The following CTNNA2 variants were observed in gnomAD, a reference collection of about 807,000 sequenced individuals.
The protein encoded by CTNNA2 is catenin alpha-2.
Under a neutral mutation model 101.0 loss-of-function variants are expected in CTNNA2, and 42 were observed. That is an observed-to-expected ratio of 0.42 (90% CI 0.32 to 0.54). The LOEUF (loss-of-function observed/expected upper bound fraction) is 0.54, where lower values mean the gene tolerates loss of function less well. Among genes scored for constraint, CTNNA2 ranks in the 20% least tolerant of loss-of-function variants. The pLI, the probability that CTNNA2 is intolerant of heterozygous loss-of-function variation, is 0.14. For synonymous variants in CTNNA2, 450 were observed against 456.4 expected (o/e 0.99, Z 0.18); for missense variants, 871 against 1,223.1 (o/e 0.71, Z 4.29).
At chr2:80,172,376 T>A (rs1705120048) in intron 7 of CTNNA2, among the ~76,000 whole-genome samples, 1 of 152,162 alleles carries the variant, frequency 6.6e-6, no homozygotes, top group South Asian at 2.1e-4. Flanking sequence ...CTGGCCAGAC[T>A]ATGGGGTTTG....
chr2:80,253,325 T>A (rs1475518363), intron 7 of CTNNA2, among the ~76,000 whole-genome samples: 2 of 152,184 alleles, frequency 1.3e-5, no homozygotes, highest in Non-Finnish European at 2.9e-5. Context: ...TTCAAGCCCT[T>A]CTATTTCTCA....
chr2:80,434,576 G>A lies in CTNNA2; in HGVS notation c.1290+14975G>A, dbSNP rs140628641. Among the ~76,000 whole-genome samples, 805 of 143,372 alleles carry A rather than the reference G, an allele frequency of 5.6e-3. 8 individuals are homozygous for A. The highest frequency in any genetic ancestry group is 0.02 in the African/African-American group (756 of 37,958). 94.1% of individuals were successfully genotyped at this position (143,372 alleles called of 152,430 possible). ...TGTGGCATGATCATGGCTCACTGCAGCATTGACCTTCTGGGCTCAGGTGAT... is the reference window on the plus strand; with the variant it reads ...TGTGGCATGATCATGGCTCACTGCAACATTGACCTTCTGGGCTCAGGTGAT... On this transcript the variant is annotated intron_variant, in intron 9 of 18. Transcript: ENST00000402739.
intron 1 of CTNNA2, among the ~76,000 whole-genome samples, chr2:79,598,070 G>A (rs1269534288): frequency 6.6e-6 from 1 of 152,170 alleles, no homozygotes; most frequent in African/African-American, 2.4e-5. Flanking sequence ...GAATCATACA[G>A]TATGTAGCCC....
chr2:79,258,336 T>G (rs1674875202), intron 2 of CTNNA2, among the ~76,000 whole-genome samples: 1 of 152,190 alleles, frequency 6.6e-6, no homozygotes, highest in Admixed American at 6.5e-5. Context: ...CATGCGACCT[T>G]GGGCAGTTCC....
intron 7 of CTNNA2, among the ~76,000 whole-genome samples, chr2:79,960,672 A>AT (rs905462763): frequency 4.9e-4 from 74 of 151,892 alleles, no homozygotes; most frequent in South Asian, 1.7e-3. Context: ...CATTACATTG[A>AT]TTTTTTTTTC....
intron 3 of CTNNA2, among the ~76,000 whole-genome samples, chr2:79,357,876 A>G (rs944095329): frequency 1.3e-5 from 2 of 152,156 alleles, no homozygotes; most frequent in Non-Finnish European, 2.9e-5. Context: ...AAAGCGAAGA[A>G]GGTGCTGTAA....
At chr2:79,472,654 T>C (rs1425063499) in intron 4 of CTNNA2, among the ~76,000 whole-genome samples, 1 of 152,188 alleles carries the variant, frequency 6.6e-6, no homozygotes, top group Non-Finnish European at 1.5e-5. Context: ...TCATACCCAT[T>C]ACTAATCTCC....
Position 80,160,176 on chromosome 2 carries a change from C to T in CTNNA2, c.1057-233035C>T, listed in dbSNP as rs56006994. ...TTGTACTATGTGTTGATTTTTCCAC[C>T]AATATGACAGTCTTGATTGCTGTAA... On this transcript the variant is annotated intron_variant, in intron 7 of 18. Transcript: ENST00000402739. Among the ~76,000 whole-genome samples, 317 of 152,234 alleles carry T rather than the reference C, an allele frequency of 2.1e-3. 1 individual carries two copies. The highest frequency in any genetic ancestry group is 7.2e-3 in the African/African-American group (298 of 41,534).
At chr2:80,071,209 T>C (rs1000202107) in intron 7 of CTNNA2, among the ~76,000 whole-genome samples, 1 of 152,208 alleles carries the variant, frequency 6.6e-6, no homozygotes. Flanking sequence ...GTTGTTATTA[T>C]ATCATAGAAA....
chr2:80,568,564 TGC>T (rs1187675237), intron 12 of CTNNA2, among the ~76,000 whole-genome samples: 10 of 84,780 alleles, frequency 1.2e-4, no homozygotes, highest in East Asian at 1.2e-3. Flanking sequence ...TATAATGGTG[TGC>T]GTGTGTGTGT....
chr2:80,591,080 T>TATATAA (rs1438700471), intron 15 of CTNNA2, among the ~76,000 whole-genome samples: 2 of 152,154 alleles, frequency 1.3e-5, no homozygotes, highest in Non-Finnish European at 2.9e-5. Context: ...CTAGTTTTGA[T>TATATAA]CAGGAGCACA....
chr2:80,377,359 C>A (rs1361210191), intron 7 of CTNNA2, among the ~76,000 whole-genome samples: 1 of 152,194 alleles, frequency 6.6e-6, no homozygotes, highest in Non-Finnish European at 1.5e-5. Context: ...TTATTGGATA[C>A]CATTTTCATG....
chr2:79,356,789 G>T (rs942466696), intron 3 of CTNNA2, among the ~76,000 whole-genome samples: 5 of 151,930 alleles, frequency 3.3e-5, no homozygotes, highest in African/African-American at 1.2e-4. Flanking sequence ...TTTCTACACA[G>T]GATCAGCAGA....
chr2:80,418,600 G>A (rs977373298), intron 8 of CTNNA2, among the ~76,000 whole-genome samples: 2 of 152,158 alleles, frequency 1.3e-5, no homozygotes, highest in Admixed American at 1.3e-4. Context: ...GAACGTGTGG[G>A]TGTCATCCTA....
At chr2:80,435,034 GTTGTGAAGGGTTGTC>G (rs1386989040) in intron 9 of CTNNA2, among the ~76,000 whole-genome samples, 2 of 152,052 alleles carry the variant, frequency 1.3e-5, no homozygotes, top group African/African-American at 2.4e-5. Context: ...ATAATTCTTT[GTTGTGAAGGGTTGTC>G]TTGTGTGTTA....
chr2:79,189,656 C>T (rs946746364), intron 1 of CTNNA2, among the ~76,000 whole-genome samples: 12 of 152,166 alleles, frequency 7.9e-5, no homozygotes, highest in African/African-American at 2.9e-4. Context: ...ATTGGCTTTA[C>T]ACAAAGGAAA....
intron 2 of CTNNA2, among the ~76,000 whole-genome samples, chr2:79,706,924 T>C (rs1286604074): frequency 6.6e-6 from 1 of 152,174 alleles, no homozygotes; most frequent in African/African-American, 2.4e-5. Context: ...CCTGATCTGG[T>C]CCCTCTGCCA....
intron 6 of CTNNA2, among the ~76,000 whole-genome samples, chr2:79,886,772 AAAAAG>A: frequency 6.8e-6 from 1 of 147,980 alleles, no homozygotes; most frequent in African/African-American, 2.5e-5. Context: ...AAAAAAAAAA[AAAAAG>A]AAGGAAATGG....
intron 3 of CTNNA2, among the ~76,000 whole-genome samples, chr2:79,798,827 G>T (rs931837468): frequency 7.6e-4 from 115 of 152,232 alleles, no homozygotes; most frequent in African/African-American, 2.6e-3. Context: ...TTTTATAAAG[G>T]AAATTCTCCC....
Sources: gnomAD v4.1 joint callset for allele counts (sites outside exome capture counted in the v4.1 genomes callset) on GRCh38, gnomAD v4.1.1 for gene constraint, MANE v1.5 for transcripts, NCBI Gene and HGNC (gene_info 2026-07-23, HGNC 2026-07-21) for gene names.